Variants in DOCK5 observed in about 807,000 individuals in gnomAD.
DOCK5 encodes the protein dedicator of cytokinesis protein 5.
In DOCK5, 142 loss-of-function variants were observed where a neutral mutation model predicts 251.8. The observed-to-expected ratio is 0.56, with a 90% confidence interval of 0.49 to 0.65. The LOEUF is 0.65. Among genes scored for constraint, DOCK5 ranks in the 30% least tolerant of loss-of-function variants. The pLI, the probability that DOCK5 is intolerant of heterozygous loss-of-function variation, is 0.00. For missense variants in DOCK5, 2,111 were observed against 2,312.3 expected (o/e 0.91, Z 1.79); for synonymous variants, 842 against 835.5 (o/e 1.01, Z -0.13).
chr8:25,233,065 C>T (rs1802710924), intron 1 of DOCK5, among the ~76,000 whole-genome samples: 1 of 152,136 alleles, frequency 6.6e-6, no homozygotes, highest in Non-Finnish European at 1.5e-5. Flanking sequence ...CTCTGGTTCT[C>T]TGCCCTGCAC....
chr8:25,366,270 C>T lies in DOCK5; in HGVS notation c.3124-600C>T, dbSNP rs149004908. 1.1e-3 allele frequency among the ~76,000 whole-genome samples: 171 copies of T among 152,310 alleles called. 1 individual carries two copies. The East Asian group carries it at 0.029, about 26-fold the overall frequency. ...CTTTGGGAGGCCAAGGCGGGCAGAT[C>T]ACCTGAGGTCAGGAGTTTAAGACCA... On this transcript the variant is annotated intron_variant, in intron 30 of 51. Coordinates refer to ENST00000276440, the MANE Select transcript of DOCK5 (RefSeq NM_024940.8).
chr8:25,314,683 T>TATCTATCC (rs1648520280), intron 13 of DOCK5, among the ~76,000 whole-genome samples: 2 of 13,872 alleles, frequency 1.4e-4, no homozygotes. Flanking sequence ...TCCATGTATC[T>TATCTATCC]ATCCATCCAT....
rs376654683 is a variant in DOCK5, at chr8:25,318,959, A to G, written c.1444-619A>G. On this transcript the variant is annotated intron_variant, in intron 14 of 51. Transcript: ENST00000276440. ...ATTCTGCATGAGAGGGAGAAACTGA[A>G]TGCTATGAGCCACTGTATGAAAGTG... is the stretch of plus-strand genomic sequence containing the variant. 2.6e-5 allele frequency among the ~76,000 whole-genome samples: 4 copies of G among 152,260 alleles called. No homozygotes were observed. In the East Asian group the frequency reaches 5.8e-4, roughly 22 times the overall value.
chr8:25,188,002 T>C (rs2117433992), intron 1 of DOCK5, among the ~76,000 whole-genome samples: 1 of 152,354 alleles, frequency 6.6e-6, no homozygotes, highest in South Asian at 2.1e-4. Context: ...ATTGTGGTTT[T>C]GTATTCCTAG....
intron 1 of DOCK5, among the ~76,000 whole-genome samples, chr8:25,213,029 TA>T (rs1241239957): frequency 2.6e-5 from 1 of 38,652 alleles, no homozygotes; most frequent in African/African-American, 5.0e-5. Flanking sequence ...GGAGGTTGCC[TA>T]CAATGGTCAT....
In DOCK5 at chr8:25,372,938, T is replaced by A. The variant is rs186055246; in HGVS notation, c.3684+220T>A. Among the ~76,000 whole-genome samples, 195 of 152,280 alleles carry A rather than the reference T, an allele frequency of 1.3e-3. 1 individual carries two copies. Among genetic ancestry groups the A allele is most frequent in the Admixed American group, 5.0e-3 (77 of 15,300 alleles). ...TTGGTGTGTTTTTGATTGTTTGTTTTAATTTTTATTTCAGTAGGTTTGGGG... is the reference window on the plus strand; with the variant it reads ...TTGGTGTGTTTTTGATTGTTTGTTTAAATTTTTATTTCAGTAGGTTTGGGG... On this transcript the variant is annotated intron_variant, in intron 35 of 51. Transcript: ENST00000276440.
chr8:25,215,784 C>T (rs1347502808), intron 1 of DOCK5, among the ~76,000 whole-genome samples: 1 of 151,762 alleles, frequency 6.6e-6, no homozygotes, highest in Non-Finnish European at 1.5e-5. Context: ...ATTCCTATTA[C>T]AATAATAACA....
chr8:25,354,342 A>T (rs1488471028), intron 27 of DOCK5, among the ~76,000 whole-genome samples: 1 of 152,236 alleles, frequency 6.6e-6, no homozygotes, highest in African/African-American at 2.4e-5. Context: ...ATCATACATT[A>T]TAAAGAAAGA....
chr8:25,323,824 A>G (rs1214456012), intron 16 of DOCK5, 24 bp from the exon 17 acceptor site: 2 of 1,607,160 alleles, frequency 1.2e-6, no homozygotes, highest in Non-Finnish European at 1.7e-6. Flanking sequence ...TGCACTGCTC[A>G]GACATGTCTT....
In DOCK5 at chr8:25,389,150, G is replaced by A; in HGVS notation, c.4191G>A (p.Arg1397=). 3 of 1,613,996 alleles carry A rather than the reference G, an allele frequency of 1.9e-6. No individual in the cohort carries two copies. Among genetic ancestry groups the A allele is most frequent in the Non-Finnish European group, 2.5e-6 (3 of 1,179,878 alleles). The change falls in exon 41 of 52, where the codon AGG becomes AGA. Residue 1397 remains arginine, a synonymous_variant. Transcript: ENST00000276440. ...AGAGGCGAGAGGACTTCAGCCTGAG[G>A]TTGTTAACCCAGTTCCCCAATGCGG... ...EYERREDFSL[R]LLTQFPNAEK... is the part of the protein sequence containing the mutation.
chr8:25,223,928 A>G (rs1206173586), intron 1 of DOCK5, among the ~76,000 whole-genome samples: 2 of 152,154 alleles, frequency 1.3e-5, no homozygotes, highest in Non-Finnish European at 2.9e-5. Context: ...GCTTTGTACT[A>G]TTTTGTACAG....
At chr8:25,267,709 G>T (rs1370758240) in intron 2 of DOCK5, among the ~76,000 whole-genome samples, 2 of 152,158 alleles carry the variant, frequency 1.3e-5, no homozygotes, top group African/African-American at 4.8e-5. Context: ...TAGTTGATGG[G>T]CATGGGGAAT....
chr8:25,190,419 A>G (rs957206089), intron 1 of DOCK5, among the ~76,000 whole-genome samples: 1 of 152,240 alleles, frequency 6.6e-6, no homozygotes, highest in Non-Finnish European at 1.5e-5. Flanking sequence ...AGTCACGAGC[A>G]TATATGATTT....
intron 45 of DOCK5, among the ~76,000 whole-genome samples, chr8:25,398,353 A>G (rs1328940030): frequency 6.6e-6 from 1 of 152,246 alleles, no homozygotes; most frequent in Non-Finnish European, 1.5e-5. Context: ...CCTGGCTAGA[A>G]TGAGCTGTTT....
In DOCK5 at chr8:25,184,847, G is replaced by T; in HGVS notation, c.-62G>T. 1 of 1,269,306 alleles carries T rather than the reference G, an allele frequency of 7.9e-7. No individual in the cohort carries two copies. Among genetic ancestry groups the T allele is most frequent in the Non-Finnish European group, 1.0e-6 (1 of 998,958 alleles). 78.6% of individuals were successfully genotyped at this position (1,269,306 alleles called of 1,614,324 possible). A position where few individuals can be genotyped will look rare whatever the true frequency, so the allele number is the denominator to read the frequency against. On this transcript the variant is annotated 5_prime_UTR_variant, in exon 1 of 52. Coordinates refer to ENST00000276440, the MANE Select transcript of DOCK5 (RefSeq NM_024940.8). ...GCACGCAGGAGCGCGGGGCGGCGGC[G>T]GCCGGAGCCCGAGGAGCTGTAGCAG...
chr8:25,336,663 T>C (rs138067105), intron 22 of DOCK5, among the ~76,000 whole-genome samples: 86 of 152,310 alleles, frequency 5.6e-4, no homozygotes, highest in African/African-American at 2.0e-3. Flanking sequence ...CATGACAATA[T>C]TGAGTGTGCA....
rs1397130672 is a variant in DOCK5, at chr8:25,410,194, T to A, written c.5500T>A (p.Ser1834Thr). The A allele has an allele frequency of 6.2e-7, 1 of 1,613,194 alleles. No homozygotes were observed. Among genetic ancestry groups the A allele is most frequent in the African/African-American group, 1.3e-5 (1 of 74,914 alleles). Residue 1834 changes from serine to threonine, a missense_variant, in exon 51 of 52, where the codon TCC becomes ACC. This residue lies in a region of DOCK5 where 1,717 missense variants were observed against 1,892.4 expected (regional missense o/e 0.91). Transcript: ENST00000276440. ...GCCCTATGAAGGCAGCCAGAGGAACTCCACTGAGGTAGGGAAATCACAGCT... is the reference window on the plus strand; with the variant it reads ...GCCCTATGAAGGCAGCCAGAGGAACACCACTGAGGTAGGGAAATCACAGCT... Reference protein sequence around the residue: ...SKPYEGSQRNSTELAPPLPVR... With the variant: ...SKPYEGSQRNTTELAPPLPVR...
intron 26 of DOCK5, among the ~76,000 whole-genome samples, chr8:25,350,261 A>G (rs929926070): frequency 2.6e-5 from 4 of 152,350 alleles, no homozygotes; most frequent in African/African-American, 9.6e-5. Flanking sequence ...ACAAATAGCA[A>G]TGATTTAGTT....
intron 1 of DOCK5, among the ~76,000 whole-genome samples, chr8:25,239,724 T>TG (rs1313963398): frequency 1.3e-5 from 2 of 152,072 alleles, no homozygotes; most frequent in African/African-American, 2.4e-5. Flanking sequence ...GTCTAGGAAT[T>TG]GGGAATTACT....
Sources: gnomAD v4.1 joint callset for allele counts (sites outside exome capture counted in the v4.1 genomes callset) on GRCh38, gnomAD v4.1.1 for gene constraint, gnomAD v4.1.1 regional missense constraint, MANE v1.5 for transcripts, NCBI Gene and HGNC (gene_info 2026-07-23, HGNC 2026-07-21) for gene names.